The following FAM110B variants were observed in gnomAD, a reference collection of about 807,000 sequenced individuals.
FAM110B encodes protein FAM110B.
Under a neutral mutation model 20.4 loss-of-function variants are expected in FAM110B, and 6 were observed. That is an observed-to-expected ratio of 0.29 (90% CI 0.16 to 0.58). The LOEUF is 0.58. Ranked by LOEUF, FAM110B falls within the 20% of genes least tolerant of loss-of-function variation. The probability of loss-of-function intolerance (pLI) is 0.90; values close to 1 mark genes in which losing one functional copy is unlikely to be tolerated. For missense variants in FAM110B, 434 were observed against 498.2 expected (o/e 0.87, Z 1.23); for synonymous variants, 226 against 214.1 (o/e 1.06, Z -0.49).
chr8:58,050,913 T>C (rs1805427496), intron 2 of FAM110B, among the ~76,000 whole-genome samples: 1 of 152,168 alleles, frequency 6.6e-6, no homozygotes, highest in Non-Finnish European at 1.5e-5. Context: ...GCTTGGGAAA[T>C]GCTGCCAAAT....
At chr8:57,994,928 G>C (rs1043619843) in intron 1 of FAM110B, 122 bp downstream of exon 1, 1 of 152,270 alleles carries the variant, frequency 6.6e-6, no homozygotes, top group Non-Finnish European at 1.5e-5. Flanking sequence ...CAGGCGGCGC[G>C]GAGCTAAGCC....
intron 3 of FAM110B, among the ~76,000 whole-genome samples, chr8:58,117,844 T>C (rs1807254816): frequency 6.6e-6 from 1 of 152,240 alleles, no homozygotes. Context: ...AATTTCTTTA[T>C]TTAATTTGCA....
intron 3 of FAM110B, among the ~76,000 whole-genome samples, chr8:58,077,745 A>C (rs1585866139): frequency 6.6e-6 from 1 of 152,166 alleles, no homozygotes; most frequent in East Asian, 1.9e-4. Context: ...ACAGTGAGTT[A>C]CCTTCACAGG....
At chr8:58,003,882 A>G (rs1308424570) in intron 1 of FAM110B, among the ~76,000 whole-genome samples, 1 of 152,220 alleles carries the variant, frequency 6.6e-6, no homozygotes, top group African/African-American at 2.4e-5. Context: ...TACCAACTGC[A>G]TTAGCTTCTA....
At chr8:58,123,108 T>C (rs1359526656) in intron 3 of FAM110B, among the ~76,000 whole-genome samples, 2 of 152,196 alleles carry the variant, frequency 1.3e-5, no homozygotes, top group East Asian at 3.9e-4. Flanking sequence ...AGGCTCCCTT[T>C]ACCCTAGTCC....
chr8:57,995,957 C>T (rs1804177712), intron 1 of FAM110B, among the ~76,000 whole-genome samples: 1 of 152,188 alleles, frequency 6.6e-6, no homozygotes, highest in African/African-American at 2.4e-5. Flanking sequence ...GTAGGACTTC[C>T]ATTTTCTTCG....
chr8:58,097,855 C>G (rs1563369096), intron 3 of FAM110B, among the ~76,000 whole-genome samples: 1 of 152,212 alleles, frequency 6.6e-6, no homozygotes, highest in Non-Finnish European at 1.5e-5. Flanking sequence ...GAGGTCCACT[C>G]CAGACCCTGT....
chr8:58,071,290 C>T (rs1805891314), intron 2 of FAM110B, among the ~76,000 whole-genome samples: 2 of 152,138 alleles, frequency 1.3e-5, no homozygotes, highest in African/African-American at 4.8e-5. Flanking sequence ...GTATTTTATA[C>T]CAAAAACGCC....
chr8:58,057,353 G>A (rs891574000), intron 2 of FAM110B, among the ~76,000 whole-genome samples: 3 of 152,212 alleles, frequency 2.0e-5, no homozygotes, highest in Admixed American at 6.5e-5. Flanking sequence ...TCACTCATGT[G>A]TGCACAAACA....
intron 3 of FAM110B, among the ~76,000 whole-genome samples, chr8:58,122,576 T>G: frequency 1.3e-5 from 2 of 152,312 alleles, no homozygotes; most frequent in Middle Eastern, 3.4e-3. Context: ...ATCTTTAAAT[T>G]TTAAGTATAT....
chr8:58,083,366 A>G (rs1806251465), intron 3 of FAM110B, among the ~76,000 whole-genome samples: 1 of 152,264 alleles, frequency 6.6e-6, no homozygotes, highest in African/African-American at 2.4e-5. Flanking sequence ...ACTTTAAACT[A>G]GTCAAAGTAA....
intron 3 of FAM110B, among the ~76,000 whole-genome samples, chr8:58,136,200 C>T (rs538036227): frequency 1.3e-5 from 2 of 151,896 alleles, no homozygotes; most frequent in Admixed American, 6.6e-5. Flanking sequence ...TTAGTGGAGA[C>T]GGGGTTTCAC....
chr8:58,006,921 A>ATTTTT lies in FAM110B; in HGVS notation c.-512+12116_-512+12117insTTTTT, dbSNP rs142497701. Among the ~76,000 whole-genome samples the ATTTTT allele has an allele frequency of 0.013, 1,558 of 119,648 alleles. 108 individuals are homozygous for ATTTTT. In the East Asian group the frequency reaches 0.14, roughly 10 times the overall value. 78.5% of individuals were successfully genotyped at this position (119,648 alleles called of 152,430 possible). On this transcript the variant is annotated intron_variant, in intron 1 of 3. Transcript: ENST00000519262. ...AATTGGTATATATATATATATATAT[A>ATTTTT]TATTTTTCCAAAACCAGAGTTTGCA...
At chr8:58,024,486 A>G (rs1254926022) in intron 1 of FAM110B, among the ~76,000 whole-genome samples, 1 of 152,214 alleles carries the variant, frequency 6.6e-6, no homozygotes, top group Non-Finnish European at 1.5e-5. Context: ...GCATTTTTAC[A>G]TATATTATTT....
chr8:58,031,189 T>C (rs1804955368), intron 1 of FAM110B: 1 of 152,206 alleles, frequency 6.6e-6, no homozygotes, highest in Admixed American at 6.5e-5. Flanking sequence ...ATATTAACGA[T>C]GTTTCTGGAG....
intron 2 of FAM110B, among the ~76,000 whole-genome samples, chr8:58,064,397 T>C (rs1805720518): frequency 6.6e-6 from 1 of 151,922 alleles, no homozygotes; most frequent in African/African-American, 2.4e-5. Flanking sequence ...GTATACACTT[T>C]TTTTTTTTAA....
chr8:58,085,683 T>C (rs1806315846), intron 3 of FAM110B, among the ~76,000 whole-genome samples: 1 of 152,188 alleles, frequency 6.6e-6, no homozygotes, highest in Non-Finnish European at 1.5e-5. Context: ...TTATGAAACA[T>C]TTTAAGATCA....
chr8:58,146,575 C>G lies in FAM110B; in HGVS notation c.345C>G (p.Asn115Lys). 1 of 1,614,002 alleles carries G rather than the reference C, an allele frequency of 6.2e-7. No individual in the cohort carries two copies. Among genetic ancestry groups the G allele is most frequent in the Non-Finnish European group, 8.5e-7 (1 of 1,179,942 alleles). Residue 115 changes from asparagine to lysine, a missense_variant, in exon 4 of 4, where the codon AAC (asparagine) becomes AAG (lysine). By Grantham distance (94) the Asn-to-Lys change is moderately conservative. This residue lies in a region of FAM110B where 284 missense variants were observed against 278.3 expected (regional missense o/e 1.02). Transcript: ENST00000519262. ...AKTESGVQRE[N>K]LKLEILKNII... is the part of the protein sequence containing the mutation. Reference sequence around the variant, plus strand: ...CCGAGAGCGGCGTGCAGAGGGAGAACCTGAAGCTGGAGATCCTGAAGAACA... The same window carrying G: ...CCGAGAGCGGCGTGCAGAGGGAGAAGCTGAAGCTGGAGATCCTGAAGAACA...
chr8:58,106,251 G>C (rs1806911594), intron 3 of FAM110B: 1 of 152,080 alleles, frequency 6.6e-6, no homozygotes, highest in Non-Finnish European at 1.5e-5. Flanking sequence ...TAAATAGCAG[G>C]TGCTCATCAT....
Sources: allele counts gnomAD v4.1 joint callset (sites outside exome capture counted in the v4.1 genomes callset), GRCh38; gene constraint gnomAD v4.1.1; regional missense constraint gnomAD v4.1.1; transcripts MANE v1.5; gene names NCBI Gene and HGNC (gene_info 2026-07-23, HGNC 2026-07-21).